Variants in PSMA8 observed in about 807,000 individuals in gnomAD.
PSMA8 encodes the protein proteasome 20S subunit alpha 8.
A neutral mutation model predicts 32.4 loss-of-function variants in PSMA8; 18 were observed. The observed-to-expected ratio is 0.56, with a 90% CI of 0.38 to 0.82. PSMA8 has a LOEUF of 0.82. Ranked by LOEUF, PSMA8 falls within the 40% of genes least tolerant of loss-of-function variation. PSMA8 has a pLI of 0.00. For synonymous variants in PSMA8, 104 were observed against 98.1 expected, an observed-to-expected ratio of 1.06 and a Z score of -0.36; for missense variants, 298 against 300.7, an observed-to-expected ratio of 0.99 and a Z score of 0.07.
At chr18:26,182,700 C>A (rs2055321296) in intron 6 of PSMA8, among the ~76,000 whole-genome samples, 1 of 152,192 alleles carries the variant, frequency 6.6e-6, no homozygotes, top group Non-Finnish European at 1.5e-5. Context: ...CATAGTGGCT[C>A]ACACCTATAA....
At chr18:26,137,798 T>C (rs754600115) in intron 1 of PSMA8, among the ~76,000 whole-genome samples, 12 of 152,144 alleles carry the variant, frequency 7.9e-5, no homozygotes, top group Non-Finnish European at 1.6e-4. Flanking sequence ...TAAATAGTCC[T>C]AAGAAAACCC....
At chr18:26,187,231 A>G (rs1002611640) in intron 6 of PSMA8, among the ~76,000 whole-genome samples, 12 of 152,142 alleles carry the variant, frequency 7.9e-5, no homozygotes, top group Non-Finnish European at 1.5e-4. Flanking sequence ...CTGTTGTCCC[A>G]GCTACTCAGG....
intron 1 of PSMA8, 105 bp from the exon 2 acceptor site, chr18:26,144,454 G>T: frequency 2.2e-6 from 2 of 903,586 alleles, no homozygotes; most frequent in Non-Finnish European, 3.4e-6. Flanking sequence ...TGTTTTTATT[G>T]AATACTTAAG....
chr18:26,163,213 G>GTATGTATATATATA (rs1555662071), intron 4 of PSMA8, among the ~76,000 whole-genome samples: 15 of 80,912 alleles, frequency 1.9e-4, no homozygotes, highest in African/African-American at 5.7e-4. Context: ...ATGTGTGTGT[G>GTATGTATATATATA]TATATATATA....
At chr18:26,139,910 C>T (rs1235592988) in intron 1 of PSMA8, 9 of 577,030 alleles carry the variant, frequency 1.6e-5, no homozygotes, top group East Asian at 2.8e-5. Flanking sequence ...TCAATTTGTT[C>T]GCATAGTGTT....
chr18:26,159,632 C>T (rs1046205324), intron 4 of PSMA8, among the ~76,000 whole-genome samples: 1 of 151,854 alleles, frequency 6.6e-6, no homozygotes, highest in Non-Finnish European at 1.5e-5. Flanking sequence ...CATAATTTTT[C>T]GGTTTTAATT....
At chr18:26,158,083 C>G (rs755139813) in intron 3 of PSMA8, 39 bp from the exon 4 acceptor site, 3 of 1,399,152 alleles carry the variant, frequency 2.1e-6, no homozygotes, top group Non-Finnish European at 3.0e-6. Flanking sequence ...TATTTTGTAA[C>G]TAATAGTTTT....
chr18:26,178,750 C>A, intron 4 of PSMA8, 80 bp from the exon 5 acceptor site: 1 of 1,349,342 alleles, frequency 7.4e-7, no homozygotes, highest in South Asian at 1.4e-5. Context: ...GAGTAAACTC[C>A]AAACCTCTAA....
At chr18:26,189,965 C>CA (rs1330127201) in intron 6 of PSMA8, among the ~76,000 whole-genome samples, 1 of 151,968 alleles carries the variant, frequency 6.6e-6, no homozygotes, top group African/African-American at 2.4e-5. Context: ...GTTCTGCCCC[C>CA]AAAAAAATAA....
chr18:26,180,445 G>A (rs1439114231), intron 6 of PSMA8, among the ~76,000 whole-genome samples: 1 of 152,082 alleles, frequency 6.6e-6, no homozygotes, highest in Non-Finnish European at 1.5e-5. Flanking sequence ...TGGGATATGA[G>A]GATAAGACAG....
intron 1 of PSMA8, among the ~76,000 whole-genome samples, chr18:26,134,454 C>T (rs1350401814): frequency 6.6e-6 from 1 of 151,762 alleles, no homozygotes; most frequent in African/African-American, 2.4e-5. Context: ...ACCTATTGAA[C>T]GCTCGTGGTC....
At chr18:26,187,711 G>A (rs902659480) in intron 6 of PSMA8, among the ~76,000 whole-genome samples, 4 of 151,978 alleles carry the variant, frequency 2.6e-5, no homozygotes, top group Non-Finnish European at 5.9e-5. Flanking sequence ...ATGATAAAGG[G>A]GTCAGTTCAG....
At chr18:26,149,335 A>C (rs2055027528) in intron 2 of PSMA8, among the ~76,000 whole-genome samples, 2 of 152,238 alleles carry the variant, frequency 1.3e-5, no homozygotes, top group African/African-American at 4.8e-5. Flanking sequence ...GACATCCCGC[A>C]TTCATGGATT....
intron 2 of PSMA8, 103 bp from the exon 3 acceptor site, chr18:26,151,755 G>T: frequency 1.8e-6 from 2 of 1,087,304 alleles, no homozygotes; most frequent in Non-Finnish European, 2.6e-6. Context: ...AGAAAAAAAG[G>T]ATAAGAAAGA....
At chr18:26,156,156 C>A (rs183701860) in intron 3 of PSMA8, among the ~76,000 whole-genome samples, 1 of 152,108 alleles carries the variant, frequency 6.6e-6, no homozygotes, top group East Asian at 1.9e-4. Flanking sequence ...ATAACAAATG[C>A]TGGCAAGGAT....
intron 4 of PSMA8, among the ~76,000 whole-genome samples, chr18:26,169,488 A>T (rs1271865909): frequency 7.6e-6 from 1 of 131,028 alleles, no homozygotes; most frequent in Non-Finnish European, 1.5e-5. Flanking sequence ...GTATTTTTTT[A>T]AATTGTAAAA....
intron 3 of PSMA8, among the ~76,000 whole-genome samples, chr18:26,156,196 T>C (rs2055087432): frequency 6.6e-6 from 1 of 152,106 alleles, no homozygotes; most frequent in Non-Finnish European, 1.5e-5. Context: ...CATACGCTGT[T>C]GGTGGAAATG....
At chr18:26,170,035 C>G (rs1568065302) in intron 4 of PSMA8, among the ~76,000 whole-genome samples, 2 of 97,226 alleles carry the variant, frequency 2.1e-5, no homozygotes, top group Non-Finnish European at 3.5e-5. Flanking sequence ...AATACTCCAG[C>G]TTTCCCCCCT....
intron 6 of PSMA8, among the ~76,000 whole-genome samples, chr18:26,191,763 CTG>C (rs2055404960): frequency 6.6e-6 from 1 of 152,130 alleles, no homozygotes; most frequent in African/African-American, 2.4e-5. Context: ...CCAATAATTG[CTG>C]TCTTATAGCC....
Sources: gnomAD v4.1 joint callset for allele counts (sites outside exome capture counted in the v4.1 genomes callset) on GRCh38, gnomAD v4.1.1 for gene constraint, MANE v1.5 for transcripts, NCBI Gene and HGNC (gene_info 2026-07-23, HGNC 2026-07-21) for gene names.